TRPM3: variants seen among roughly 807,000 people sequenced by gnomAD.
TRPM3 encodes transient receptor potential cation channel subfamily M member 3, also known as long transient receptor potential channel 3.
TRPM3 carries 77 observed loss-of-function variants against 181.2 expected under a neutral mutation model. The observed-to-expected ratio is 0.42, with a 90% CI of 0.35 to 0.51. The LOEUF is 0.51. TRPM3 is among the 20% of genes least tolerant of loss of function. TRPM3 has a pLI of 0.01. For synonymous variants in TRPM3, 745 were observed against 796.4 expected (o/e 0.94, Z 1.09); for missense variants, 1,759 against 2,196.7 (o/e 0.80, Z 3.98).
chr9:70,832,523 G>A (rs946694162), intron 5 of TRPM3, among the ~76,000 whole-genome samples: 1 of 152,098 alleles, frequency 6.6e-6, no homozygotes, highest in Admixed American at 6.5e-5. Flanking sequence ...CTTTGACTTT[G>A]AAACAAAGAG....
chr9:70,581,563 C>A (rs942524648), intron 22 of TRPM3, among the ~76,000 whole-genome samples: 2 of 152,236 alleles, frequency 1.3e-5, no homozygotes, highest in African/African-American at 2.4e-5. Context: ...TAATAGTTAG[C>A]CTGTGTGGAG....
chr9:71,255,799 A>G (rs1045908277), intron 1 of TRPM3, among the ~76,000 whole-genome samples: 7 of 152,154 alleles, frequency 4.6e-5, no homozygotes, highest in African/African-American at 7.2e-5. Context: ...TGCTCATTTT[A>G]GCTGTAAAAA....
At chr9:70,670,138 G>A (rs2062643280) in intron 9 of TRPM3, among the ~76,000 whole-genome samples, 1 of 152,072 alleles carries the variant, frequency 6.6e-6, no homozygotes, top group Non-Finnish European at 1.5e-5. Flanking sequence ...AAATTTCTCT[G>A]GAAATTTCTG....
chr9:70,656,501 T>C (rs2060356388), intron 9 of TRPM3, among the ~76,000 whole-genome samples: 1 of 152,082 alleles, frequency 6.6e-6, no homozygotes, highest in Non-Finnish European at 1.5e-5. Context: ...TGCCCAGGAA[T>C]GAATGAGAAC....
chr9:70,571,368 T>G (rs2052292332), intron 22 of TRPM3, among the ~76,000 whole-genome samples: 1 of 152,238 alleles, frequency 6.6e-6, no homozygotes, highest in South Asian at 2.1e-4. Context: ...CTGATATGTG[T>G]AAAGGTTTTG....
At position 70,748,953 on chromosome 9, in the gene TRPM3, C is replaced by T. The variant is rs560880273; in HGVS notation, c.1272+12648G>A. Among the ~76,000 whole-genome samples, 54 of 152,086 alleles carry T rather than the reference C, an allele frequency of 3.6e-4. No homozygotes were observed. In the Middle Eastern group the frequency reaches 0.01, roughly 29 times the overall value. Reference sequence around the variant, plus strand: ...GGGCTGGAGTGCAGTGGTGTGATCTCAGCTCACTGCAGCCCCAAACTCCCA... The same window carrying T: ...GGGCTGGAGTGCAGTGGTGTGATCTTAGCTCACTGCAGCCCCAAACTCCCA... On this transcript the variant is annotated intron_variant, in intron 8 of 25. Coordinates refer to ENST00000677713, the MANE Select transcript of TRPM3 (RefSeq NM_001366145.2).
At chr9:70,689,179 C>A (rs1468199217) in intron 8 of TRPM3, among the ~76,000 whole-genome samples, 1 of 152,088 alleles carries the variant, frequency 6.6e-6, no homozygotes, top group Non-Finnish European at 1.5e-5. Flanking sequence ...GTCAATCACC[C>A]AGTCAAGCAT....
At chr9:71,126,906 A>G (rs1372498590) in intron 1 of TRPM3, among the ~76,000 whole-genome samples, 1 of 152,048 alleles carries the variant, frequency 6.6e-6, no homozygotes, top group African/African-American at 2.4e-5. Context: ...CTGAGGTGAA[A>G]TGTCCTTCCC....
chr9:71,166,242 T>C (rs1019701849), intron 1 of TRPM3, among the ~76,000 whole-genome samples: 2 of 152,014 alleles, frequency 1.3e-5, no homozygotes, highest in Non-Finnish European at 2.9e-5. Context: ...AAATGGAGGA[T>C]GAACAAAGCT....
chr9:71,390,154 G>A (rs1172310919), intron 1 of TRPM3, among the ~76,000 whole-genome samples: 1 of 151,954 alleles, frequency 6.6e-6, no homozygotes, highest in Non-Finnish European at 1.5e-5. Context: ...GGTATCCATG[G>A]ACATCCACAG....
chr9:70,635,350 C>T, intron 11 of TRPM3, 89 bp from the exon 12 acceptor site: 1 of 1,106,928 alleles, frequency 9.0e-7, no homozygotes, highest in South Asian at 1.3e-5. Flanking sequence ...AGGGTGCTGG[C>T]TGGTGGAGGG....
At position 70,917,851 on chromosome 9, in the gene TRPM3, C is replaced by T. The variant is rs1463318519; in HGVS notation, c.178-53340G>A. Among the ~76,000 whole-genome samples the T allele has an allele frequency of 2.0e-5, 3 of 151,642 alleles. No individual in the cohort carries two copies. The East Asian group carries it at 5.8e-4, about 29-fold the overall frequency. ...AGTCTCCAATCAAAAGACATAGAGTCACTCAATGGATAAAAAAAACAAGAT... is the reference window on the plus strand; with the variant it reads ...AGTCTCCAATCAAAAGACATAGAGTTACTCAATGGATAAAAAAAACAAGAT... On this transcript the variant is annotated intron_variant, in intron 1 of 25. Coordinates refer to ENST00000677713, the MANE Select transcript of TRPM3 (RefSeq NM_001366145.2).
At chr9:71,414,368 T>C (rs2093606426) in intron 1 of TRPM3, among the ~76,000 whole-genome samples, 1 of 152,136 alleles carries the variant, frequency 6.6e-6, no homozygotes, top group South Asian at 2.1e-4. Flanking sequence ...ACAGACTTTA[T>C]ATCACCACTC....
intron 9 of TRPM3, among the ~76,000 whole-genome samples, chr9:70,647,892 C>T (rs768572643): frequency 3.3e-5 from 5 of 152,140 alleles, no homozygotes; most frequent in Middle Eastern, 3.4e-3. Flanking sequence ...ATTCTATACA[C>T]CAATAATGTC....
intron 1 of TRPM3, among the ~76,000 whole-genome samples, chr9:70,996,856 G>T (rs2097545569): frequency 6.6e-6 from 1 of 152,168 alleles, no homozygotes; most frequent in African/African-American, 2.4e-5. Context: ...CTATGAACAG[G>T]TAGATGTGGG....
At chr9:71,278,395 T>A (rs2084390882) in intron 1 of TRPM3, among the ~76,000 whole-genome samples, 1 of 151,758 alleles carries the variant, frequency 6.6e-6, no homozygotes, top group South Asian at 2.1e-4. Context: ...CTCAAAGGAG[T>A]TAGGGAAAGG....
chr9:70,993,625 G>A (rs964110375), intron 1 of TRPM3, among the ~76,000 whole-genome samples: 6 of 151,984 alleles, frequency 3.9e-5, no homozygotes, highest in Admixed American at 3.3e-4. Flanking sequence ...AACTGGAAAT[G>A]CAGATTTGAG....
At chr9:71,197,073 A>C (rs1027364616) in intron 1 of TRPM3, among the ~76,000 whole-genome samples, 5 of 151,948 alleles carry the variant, frequency 3.3e-5, no homozygotes, top group African/African-American at 9.7e-5. Context: ...TCCTGTGTCC[A>C]TGTGTTCTCA....
intron 1 of TRPM3, among the ~76,000 whole-genome samples, chr9:71,393,397 G>T (rs1440182259): frequency 6.6e-6 from 1 of 152,082 alleles, no homozygotes; most frequent in African/African-American, 2.4e-5. Context: ...GAATAAAATA[G>T]ACAAGACAGT....
Sources: gnomAD v4.1 joint callset for allele counts (sites outside exome capture counted in the v4.1 genomes callset) on GRCh38, gnomAD v4.1.1 for gene constraint, MANE v1.5 for transcripts, NCBI Gene and HGNC (gene_info 2026-07-23, HGNC 2026-07-21) for gene names.